Variants in ADGRG2 observed in about 807,000 individuals in gnomAD.
ADGRG2 encodes adhesion G protein-coupled receptor G2.
A neutral mutation model predicts 74.1 loss-of-function variants in ADGRG2; 26 were observed. The observed-to-expected ratio is 0.35, with a 90% CI of 0.26 to 0.49. The LOEUF is 0.49. ADGRG2 is among the 20% of genes least tolerant of loss of function. ADGRG2 has a pLI of 0.99. For synonymous variants in ADGRG2, 296 were observed against 295.2 expected (o/e 1.00, Z -0.03); for missense variants, 619 against 763.1 (o/e 0.81, Z 2.22).
At chrX:19,027,390 C>A in intron 10 of ADGRG2, 116 bp from the exon 11 acceptor site, 1 of 519,819 alleles carries the variant, frequency 1.9e-6, no homozygotes, top group Non-Finnish European at 3.4e-6. Flanking sequence ...ACCCCAAAGA[C>A]TGAATCCTAA....
At chrX:19,007,800 C>A (rs1222829869) in intron 19 of ADGRG2, among the ~76,000 whole-genome samples, 180 bp downstream of exon 19, 1 of 112,028 alleles carries the variant, frequency 8.9e-6, no homozygotes, top group Non-Finnish European at 1.9e-5. Context: ...TACTATGTAA[C>A]TGTCAGTTAC....
At chrX:19,037,418 A>T in intron 6 of ADGRG2, 49 bp downstream of exon 6, 1 of 870,875 alleles carries the variant, frequency 1.1e-6, no homozygotes, top group Non-Finnish European at 1.7e-6. Flanking sequence ...TTATACTTAT[A>T]TTCATATTAA....
chrX:19,053,280 C>T (rs1424629440), intron 3 of ADGRG2, among the ~76,000 whole-genome samples: 2 of 111,257 alleles, frequency 1.8e-5, no homozygotes, highest in Non-Finnish European at 3.8e-5. Context: ...GACTTGAACC[C>T]ATGCTTGGGA....
chrX:18,993,010 C>T (rs887338088), intron 28 of ADGRG2, among the ~76,000 whole-genome samples: 2 of 112,454 alleles, frequency 1.8e-5, no homozygotes. Flanking sequence ...CTGTGCTCCC[C>T]GCTGCCTCGC....
At chrX:19,106,698 C>A (rs1490084153) in intron 1 of ADGRG2, among the ~76,000 whole-genome samples, 2 of 110,871 alleles carry the variant, frequency 1.8e-5, no homozygotes, top group African/African-American at 6.6e-5. Context: ...GTGGGCAGAT[C>A]GCTTGAGGCC....
At chrX:19,034,570 T>G (rs185941981) in intron 7 of ADGRG2, 174 of 112,145 alleles carry the variant, frequency 1.6e-3, no homozygotes, top group African/African-American at 5.3e-3. Flanking sequence ...ACTGTCAGGT[T>G]TCAATGTGTG....
intron 1 of ADGRG2, among the ~76,000 whole-genome samples, chrX:19,086,519 T>C (rs1331138591): frequency 9.0e-6 from 1 of 110,916 alleles, no homozygotes; most frequent in African/African-American, 3.3e-5. Flanking sequence ...ACTTTACAAG[T>C]GGTTTGGGTG....
chrX:19,101,853 A>G (rs2062193936), intron 1 of ADGRG2, among the ~76,000 whole-genome samples: 2 of 110,670 alleles, frequency 1.8e-5, no homozygotes, highest in Admixed American at 9.6e-5. Flanking sequence ...GGAATTCCAC[A>G]TGCAGCACAT....
chrX:19,091,875 G>A (rs2062022264), intron 1 of ADGRG2, among the ~76,000 whole-genome samples: 1 of 112,666 alleles, frequency 8.9e-6, no homozygotes, highest in Admixed American at 9.4e-5. Flanking sequence ...TATTCGAGGT[G>A]AGAAACAAGG....
intron 2 of ADGRG2, among the ~76,000 whole-genome samples, chrX:19,080,844 C>T (rs898758480): frequency 1.8e-5 from 2 of 109,808 alleles, no homozygotes; most frequent in Non-Finnish European, 1.9e-5. Context: ...TATAGGCACA[C>T]GCCACCATAC....
chrX:19,001,971 G>C (rs1280855627), intron 24 of ADGRG2, among the ~76,000 whole-genome samples: 2 of 110,762 alleles, frequency 1.8e-5, no homozygotes, highest in Non-Finnish European at 3.8e-5. Context: ...AAAAACAGGG[G>C]ATTATACACA....
chrX:19,038,396 G>T (rs997563140), intron 4 of ADGRG2, among the ~76,000 whole-genome samples: 8 of 111,780 alleles, frequency 7.2e-5, no homozygotes, highest in Non-Finnish European at 1.1e-4. Context: ...GCCTGCTTTA[G>T]ACTGCTCTTG....
intron 3 of ADGRG2, among the ~76,000 whole-genome samples, chrX:19,066,879 C>T (rs1264279612): frequency 8.1e-5 from 9 of 111,299 alleles, no homozygotes; most frequent in Non-Finnish European, 1.1e-4. Flanking sequence ...TTCTAAAGAT[C>T]CCCCTTTCCG....
At chrX:19,008,431 C>T (rs1002849508) in intron 18 of ADGRG2, among the ~76,000 whole-genome samples, 1 of 110,945 alleles carries the variant, frequency 9.0e-6, no homozygotes, top group Non-Finnish European at 1.9e-5. Context: ...TTTGGGAGGC[C>T]GAGTCGGGAG....
chrX:19,066,046 C>T (rs1272766384), intron 3 of ADGRG2, among the ~76,000 whole-genome samples: 1 of 111,665 alleles, frequency 9.0e-6, no homozygotes. Context: ...CAGGACTTTG[C>T]CATGTTGGCC....
intron 1 of ADGRG2, among the ~76,000 whole-genome samples, chrX:19,109,659 G>A (rs1411438789): frequency 8.9e-6 from 1 of 111,900 alleles, no homozygotes; most frequent in Non-Finnish European, 1.9e-5. Flanking sequence ...CAAAGGCAGA[G>A]AAGAATGCCA....
At position 19,031,036 on chromosome X, in the gene ADGRG2, G is replaced by T; in HGVS notation, c.306C>A (p.Gly102=). 2 of 1,187,409 alleles carry T rather than the reference G, an allele frequency of 1.7e-6. No homozygotes were observed. The highest frequency in any genetic ancestry group is 2.3e-6 in the Non-Finnish European group (2 of 873,854). ...TGCAGATATTTCTCTGGGGTTTGAC[G>T]CCTGCAAAGAAAACACAACCCAGCT... The part of the protein sequence containing the change: ...ITIVKTFNAS[G]VKPQRNICNL... Residue 102 remains glycine, a splice_region_variant and synonymous_variant, in exon 9 of 29, where the codon GGC becomes GGA. Transcript: ENST00000379869.
intron 10 of ADGRG2, among the ~76,000 whole-genome samples, chrX:19,027,499 C>T (rs2060730396): frequency 8.9e-6 from 1 of 112,290 alleles, no homozygotes; most frequent in Non-Finnish European, 1.9e-5. Flanking sequence ...TTGGCTGAGC[C>T]TGTTTTTGTT....
chrX:19,099,636 C>T (rs1482701873), intron 1 of ADGRG2, among the ~76,000 whole-genome samples: 2 of 112,304 alleles, frequency 1.8e-5, no homozygotes, highest in Non-Finnish European at 3.8e-5. Flanking sequence ...GACACCTACA[C>T]GTGATTGCCT....
Sources: gnomAD v4.1 joint callset for allele counts (sites outside exome capture counted in the v4.1 genomes callset) on GRCh38, gnomAD v4.1.1 for gene constraint, MANE v1.5 for transcripts, NCBI Gene and HGNC (gene_info 2026-07-23, HGNC 2026-07-21) for gene names.